CREB5: variants seen among roughly 807,000 people sequenced by gnomAD.
CREB5 encodes cAMP responsive element binding protein 5.
In CREB5, 19 loss-of-function variants were observed where a neutral mutation model predicts 57.1. That is an observed-to-expected ratio of 0.33 (90% CI 0.23 to 0.49). The LOEUF is 0.49. CREB5 is among the 20% of genes least tolerant of loss of function. The pLI is 0.99. For missense variants in CREB5, 579 were observed against 671.6 expected (o/e 0.86, Z 1.52); for synonymous variants, 238 against 238.3 (o/e 1.00, Z 0.01).
chr7:28,687,493 C>T (rs778220283), intron 5 of CREB5, among the ~76,000 whole-genome samples: 13 of 149,578 alleles, frequency 8.7e-5, no homozygotes, highest in African/African-American at 1.7e-4. Flanking sequence ...GAATAGATTT[C>T]GTATTGTGAT....
chr7:28,736,205 T>C (rs1803970410), intron 7 of CREB5, among the ~76,000 whole-genome samples: 1 of 152,142 alleles, frequency 6.6e-6, no homozygotes, highest in Middle Eastern at 3.2e-3. Flanking sequence ...GTTTTGCTCT[T>C]GTTGCCCAGG....
rs1808578969 is a variant in CREB5, at chr7:28,804,475, C to T, written c.979C>T (p.His327Tyr). 1.9e-6 allele frequency: 3 copies of T among 1,614,162 alleles called. No homozygotes were observed. Among genetic ancestry groups the T allele is most frequent in the Middle Eastern group, 1.6e-4 (1 of 6,062 alleles). Residue 327 changes from histidine to tyrosine, a missense_variant, in exon 8 of 11, where the codon CAC becomes TAC. By Grantham distance (83) the His-to-Tyr change is moderately conservative. Around this residue, in one of 3 missense-constraint regions of CREB5, gnomAD observed 459 missense variants for 515.7 expected, o/e 0.89. Transcript: ENST00000357727. ...CCACCTTCATGCACACCCAGCACAT[C>T]ACCAGACCTCGCCACATCCGCCCCT... ...HSHLHAHPAH[H>Y]QTSPHPPLHT...
chr7:28,385,658 C>A (rs1787074996), intron 1 of CREB5, among the ~76,000 whole-genome samples: 2 of 144,782 alleles, frequency 1.4e-5, no homozygotes, highest in African/African-American at 5.1e-5. Flanking sequence ...GCCTGTGTGA[C>A]AGAAAGAGAC....
intron 4 of CREB5, among the ~76,000 whole-genome samples, chr7:28,536,943 G>A (rs896585896): frequency 6.6e-6 from 1 of 152,180 alleles, no homozygotes; most frequent in Non-Finnish European, 1.5e-5. Context: ...TCCAAAAGTG[G>A]TACCACTGCT....
chr7:28,315,436 C>G (rs1341787592), intron 1 of CREB5, among the ~76,000 whole-genome samples: 1 of 152,188 alleles, frequency 6.6e-6, no homozygotes, highest in East Asian at 1.9e-4. Flanking sequence ...TGGACCTGAG[C>G]AATGGGCAGG....
intron 1 of CREB5, among the ~76,000 whole-genome samples, chr7:28,402,479 T>G (rs909545376): frequency 4.6e-5 from 7 of 152,090 alleles, no homozygotes; most frequent in African/African-American, 1.7e-4. Flanking sequence ...AACAGAGATA[T>G]AGACAAATGG....
At chr7:28,408,357 TG>T (rs1787634374), upstream of CREB5, among the ~76,000 whole-genome samples, 1 of 152,236 alleles carries the variant, frequency 6.6e-6, no homozygotes, top group African/African-American at 2.4e-5. Flanking sequence ...ATTTAGCCTA[TG>T]CCTTCTCTTT....
In CREB5 at chr7:28,823,531, A is replaced by C. The variant is rs1809900301; in HGVS notation, c.*4252A>C. On this transcript the variant is annotated 3_prime_UTR_variant, in exon 11 of 11. Transcript: ENST00000357727. The stretch of plus-strand genomic sequence containing the variant: ...TAGATCTCTGTGCATAGACATTTCA[A>C]GGATTTTTATTGCTCTGTGAGTTAT... 1 of 152,704 alleles carries C rather than the reference A, an allele frequency of 6.5e-6. No homozygotes were observed. Among genetic ancestry groups the C allele is most frequent in the South Asian group, 2.1e-4 (1 of 4,818 alleles). The allele number at this position is 152,704 out of a possible 1,614,324, so 9.5% of individuals were successfully genotyped here.
Position 28,718,787 on chromosome 7 carries a change from C to G in CREB5, c.499C>G (p.Leu167Val). ...VPGSLSSLLH[L>V]HNRQRQPMPA... is the part of the protein sequence containing the mutation. ...AGGCTCTCTATCTTCTCTGCTACAT[C>G]TCCACAACAGACAGAGACAGCCCAT... Residue 167 changes from leucine to valine, a missense_variant, in exon 6 of 11, where the codon CTC becomes GTC. Physicochemically the swap from Leu to Val is conservative, Grantham distance 32 (BLOSUM62 1). Around this residue, in one of 3 missense-constraint regions of CREB5, gnomAD observed 459 missense variants for 515.7 expected, o/e 0.89. Coordinates refer to ENST00000357727, the MANE Select transcript of CREB5 (RefSeq NM_182898.4). 1 of 1,614,106 alleles carries G rather than the reference C, an allele frequency of 6.2e-7. No homozygotes were observed. The highest frequency in any genetic ancestry group is 8.5e-7 in the Non-Finnish European group (1 of 1,179,988).
At chr7:28,513,179 T>C (rs1792790038) in intron 4 of CREB5, among the ~76,000 whole-genome samples, 1 of 152,246 alleles carries the variant, frequency 6.6e-6, no homozygotes, top group South Asian at 2.1e-4. Context: ...CATCAGCCGC[T>C]AGCCAGCATC....
intron 1 of CREB5, among the ~76,000 whole-genome samples, chr7:28,453,513 G>A (rs1227018773): frequency 6.6e-6 from 1 of 152,228 alleles, no homozygotes; most frequent in Non-Finnish European, 1.5e-5. Context: ...CTTCTCATAT[G>A]ATTTTAAATG....
At chr7:28,392,718 T>C (rs1456151157) in intron 1 of CREB5, among the ~76,000 whole-genome samples, 1 of 152,210 alleles carries the variant, frequency 6.6e-6, no homozygotes, top group African/African-American at 2.4e-5. Flanking sequence ...AGTCAAATCC[T>C]CATTTTTATA....
intron 5 of CREB5, among the ~76,000 whole-genome samples, chr7:28,593,475 C>T (rs1796595635): frequency 6.6e-6 from 1 of 152,176 alleles, no homozygotes; most frequent in African/African-American, 2.4e-5. Flanking sequence ...CCTCTAACTC[C>T]TGGCCTCAAG....
intron 1 of CREB5, among the ~76,000 whole-genome samples, chr7:28,448,564 C>T (rs1209209266): frequency 6.6e-6 from 1 of 152,200 alleles, no homozygotes; most frequent in Non-Finnish European, 1.5e-5. Context: ...GATTTAACTA[C>T]TCTCTTCATA....
chr7:28,632,302 C>G (rs1798234681), intron 5 of CREB5, among the ~76,000 whole-genome samples: 1 of 152,156 alleles, frequency 6.6e-6, no homozygotes, highest in Non-Finnish European at 1.5e-5. Flanking sequence ...TTTCCTCTAC[C>G]TCCTGTCCTT....
In CREB5 at chr7:28,732,838, G is replaced by A. The variant is rs566690985; in HGVS notation, c.702+8506G>A. 2.5e-5 allele frequency among the ~76,000 whole-genome samples: 3 copies of A among 119,692 alleles called. No homozygotes were observed. The East Asian group carries it at 6.1e-4, about 24-fold the overall frequency. 78.5% of individuals were successfully genotyped at this position (119,692 alleles called of 152,430 possible). On this transcript the variant is annotated intron_variant, in intron 7 of 10. Transcript: ENST00000357727. ...GAGGCAAAGTTTTCCTAAAGGTTTA[G>A]GGTTGTTTTTTTTTTTTTCTTAAAA...
chr7:28,755,068 T>A (rs1805218540), intron 7 of CREB5, among the ~76,000 whole-genome samples: 1 of 152,100 alleles, frequency 6.6e-6, no homozygotes. Flanking sequence ...ATCTTGGGTA[T>A]CAGTACTGGG....
chr7:28,570,753 G>A (rs1176030551), intron 5 of CREB5, among the ~76,000 whole-genome samples: 1 of 151,994 alleles, frequency 6.6e-6, no homozygotes, highest in Non-Finnish European at 1.5e-5. Flanking sequence ...GGTAGGGTGG[G>A]GAGCAAGTCA....
intron 7 of CREB5, among the ~76,000 whole-genome samples, chr7:28,799,839 T>G (rs1470710975): frequency 6.6e-6 from 1 of 152,216 alleles, no homozygotes; most frequent in East Asian, 1.9e-4. Context: ...CCTACATGAC[T>G]TCTGTAGTTG....
Sources: allele counts gnomAD v4.1 joint callset (sites outside exome capture counted in the v4.1 genomes callset), GRCh38; gene constraint gnomAD v4.1.1; regional missense constraint gnomAD v4.1.1; transcripts MANE v1.5; gene names NCBI Gene and HGNC (gene_info 2026-07-23, HGNC 2026-07-21).